XKR5: variants seen among roughly 807,000 people sequenced by gnomAD.
The protein encoded by XKR5 is XK-related protein 5.
Under a neutral mutation model 40.8 loss-of-function variants are expected in XKR5, and 46 were observed. The ratio of observed to expected loss-of-function variants is 1.13; its 90% CI spans 0.89 to 1.44. The LOEUF is 1.44. XKR5 is among the 40% of genes most tolerant of loss of function. The probability of loss-of-function intolerance (pLI) is 0.00; values close to 1 mark genes in which losing one functional copy is unlikely to be tolerated. For synonymous variants in XKR5, 466 were observed against 356.1 expected (o/e 1.31, Z -3.48); for missense variants, 1,169 against 844.7 (o/e 1.38, Z -4.76).
chr8:6,834,679 A>G (rs1020265516), intron 1 of XKR5, among the ~76,000 whole-genome samples: 1 of 150,150 alleles, frequency 6.7e-6, no homozygotes, highest in African/African-American at 2.5e-5. Context: ...CCCCTCTTCC[A>G]CCCCAGGGAC....
intron 5 of XKR5, among the ~76,000 whole-genome samples, chr8:6,820,096 A>G (rs1465310503): frequency 6.6e-6 from 1 of 152,164 alleles, no homozygotes. Context: ...AGCCCCGGTG[A>G]CTCTCATACA....
At chr8:6,816,564 C>G (rs941011390) in intron 5 of XKR5, among the ~76,000 whole-genome samples, 1 of 151,510 alleles carries the variant, frequency 6.6e-6, no homozygotes, top group African/African-American at 2.4e-5. Flanking sequence ...TAAAAAGATA[C>G]GTCTTCATTA....
intron 5 of XKR5, among the ~76,000 whole-genome samples, chr8:6,816,674 A>ATTAT (rs71535991): frequency 0.16 from 22,840 of 140,242 alleles, 2,414 homozygotes; most frequent in East Asian, 0.47. Context: ...TAATTAAATA[A>ATTAT]TTATTTAATT....
chr8:6,812,505 G>T (rs1414916415), intron 6 of XKR5, among the ~76,000 whole-genome samples, 166 bp from the exon 7 acceptor site: 1 of 152,248 alleles, frequency 6.6e-6, no homozygotes, highest in Non-Finnish European at 1.5e-5. Flanking sequence ...GGGAATTTAA[G>T]TAGGTTCCAG....
At chr8:6,834,184 C>A (rs923462420) in intron 1 of XKR5, among the ~76,000 whole-genome samples, 1 of 152,164 alleles carries the variant, frequency 6.6e-6, no homozygotes, top group Non-Finnish European at 1.5e-5. Context: ...GTAGAGGCAC[C>A]GCACACAGGC....
At chr8:6,830,469 A>C (rs1804712057) in intron 2 of XKR5, among the ~76,000 whole-genome samples, 1 of 152,182 alleles carries the variant, frequency 6.6e-6, no homozygotes, top group East Asian at 1.9e-4. Flanking sequence ...GTTCATGTTT[A>C]ACCTGAGAAA....
At chr8:6,819,925 G>A (rs375304960) in intron 5 of XKR5, among the ~76,000 whole-genome samples, 3 of 146,704 alleles carry the variant, frequency 2.0e-5, no homozygotes, top group Non-Finnish European at 1.5e-5. Flanking sequence ...TCTTGCCCCC[G>A]ATGTCTGTTT....
intron 2 of XKR5, among the ~76,000 whole-genome samples, chr8:6,831,773 T>C (rs60260706): frequency 0.022 from 3,382 of 152,212 alleles, 126 homozygotes; most frequent in African/African-American, 0.078. Flanking sequence ...CCCAGCACTT[T>C]GGGAGGCCAA....
At position 6,811,996 on chromosome 8, in the gene XKR5, A is replaced by T; in HGVS notation, c.1263T>A (p.Asn421Lys). 6 of 1,537,332 alleles carry T rather than the reference A, an allele frequency of 3.9e-6. 1 individual carries two copies. In the South Asian group the frequency reaches 5.9e-5, roughly 15 times the overall value. Residue 421 changes from asparagine (N) to lysine (K), a missense_variant, in exon 7 of 7, where the codon AAT (asparagine) becomes AAA (lysine). Physicochemically the swap from Asn to Lys is moderately conservative, Grantham distance 94. Transcript: ENST00000618742. ...ALKTGNVSKI[N>K]AAFGDNSPAY... The stretch of plus-strand genomic sequence containing the variant: ...CAGGACTGTTATCTCCAAAGGCGGC[A>T]TTGATCTTAGACACATTTCCTGTTT...
intron 2 of XKR5, among the ~76,000 whole-genome samples, chr8:6,831,811 C>T (rs1329298743): frequency 2.6e-5 from 4 of 151,934 alleles, no homozygotes; most frequent in East Asian, 1.9e-4. Context: ...GTCAGGAGAC[C>T]GAGACGATGC....
intron 2 of XKR5, 49 bp downstream of exon 2, chr8:6,832,668 T>G (rs1804821592): frequency 6.2e-7 from 1 of 1,601,640 alleles, no homozygotes. Context: ...TTCCTCTCAC[T>G]GCACTTGTGC....
At chr8:6,818,659 C>T (rs542582171) in intron 5 of XKR5, among the ~76,000 whole-genome samples, 6 of 152,348 alleles carry the variant, frequency 3.9e-5, no homozygotes, top group East Asian at 1.9e-4. Context: ...TGTCTCCAGA[C>T]GTGGATTCCC....
chr8:6,808,857 A>G lies in XKR5; in HGVS notation c.*2341T>C, dbSNP rs1803552409. 1 of 152,206 alleles carries G rather than the reference A, an allele frequency of 6.6e-6. No homozygotes were observed. The highest frequency in any genetic ancestry group is 2.1e-4 in the South Asian group (1 of 4,828). The allele number at this position is 152,206 out of a possible 1,614,324, so 9.4% of individuals were successfully genotyped here. On this transcript the variant is annotated 3_prime_UTR_variant, in exon 7 of 7. Coordinates refer to ENST00000618742, the MANE Select transcript of XKR5 (RefSeq NM_207411.5). ...CCCATAACACAAATGCCGTTGATCC[A>G]GGATATGCACTCAAGCTGAAATTCA...
intron 5 of XKR5, among the ~76,000 whole-genome samples, chr8:6,816,723 ATTAATATATATTTTAATATAT>A (rs1195318350): frequency 2.0e-5 from 3 of 147,498 alleles, no homozygotes; most frequent in African/African-American, 7.3e-5. Context: ...TTAAAATATA[ATTAATATATATTTTAATATAT>A]TTAATATATA....
At position 6,811,191 on chromosome 8, in the gene XKR5, A is replaced by T; in HGVS notation, c.*7T>A. ...CAGCCTGTTGTCTTATCCCACCATG[A>T]CTGTGGTCAGATGAAAAAACTCGGC... On this transcript the variant is annotated 3_prime_UTR_variant, in exon 7 of 7. Transcript: ENST00000618742. The T allele has an allele frequency of 6.5e-7, 1 of 1,532,400 alleles. No individual in the cohort carries two copies. The highest frequency in any genetic ancestry group is 2.0e-5 in the Admixed American group (1 of 50,780). The allele number at this position is 1,532,400 out of a possible 1,614,324, so 94.9% of individuals were successfully genotyped here.
In XKR5 at chr8:6,825,241, G is replaced by A. The variant is rs1427429874; in HGVS notation, c.351C>T (p.Ala117=). 10 of 1,612,662 alleles carry A rather than the reference G, an allele frequency of 6.2e-6. No homozygotes were observed. Among genetic ancestry groups the A allele is most frequent in the Admixed American group, 1.7e-5 (1 of 59,762 alleles). Residue 117 remains alanine (A), a synonymous_variant, in exon 3 of 7, where the codon GCC becomes GCT. Transcript: ENST00000618742. ...ADLSALRLLE[A]LLQTGPHLLL... ...GCAGGTGGGGCCCAGTCTGCAGCAGGGCCTCCAAGAGTCGAAGGGCCGACA... is the reference window on the plus strand; with the variant it reads ...GCAGGTGGGGCCCAGTCTGCAGCAGAGCCTCCAAGAGTCGAAGGGCCGACA...
intron 2 of XKR5, among the ~76,000 whole-genome samples, chr8:6,825,653 G>T (rs1199465131): frequency 6.6e-6 from 1 of 152,008 alleles, no homozygotes; most frequent in Non-Finnish European, 1.5e-5. Flanking sequence ...CAGACTGCCA[G>T]CTCTGTGAAG....
chr8:6,822,892 G>C (rs573532098), intron 4 of XKR5, among the ~76,000 whole-genome samples: 2 of 152,354 alleles, frequency 1.3e-5, no homozygotes, highest in South Asian at 2.1e-4. Flanking sequence ...AGGAAATGGT[G>C]CACTTTTGGA....
intron 3 of XKR5, among the ~76,000 whole-genome samples, chr8:6,824,881 G>A (rs1275000660): frequency 6.6e-6 from 1 of 152,156 alleles, no homozygotes; most frequent in African/African-American, 2.4e-5. Flanking sequence ...TTATGGAGAG[G>A]CAGTCTTTCC....
Sources: allele counts gnomAD v4.1 joint callset (sites outside exome capture counted in the v4.1 genomes callset), GRCh38; gene constraint gnomAD v4.1.1; transcripts MANE v1.5; gene names NCBI Gene and HGNC (gene_info 2026-07-23, HGNC 2026-07-21).